The following PEBP4 variants were observed in gnomAD, a reference collection of about 807,000 sequenced individuals.
The protein encoded by PEBP4 is phosphatidylethanolamine binding protein 4.
A neutral mutation model predicts 23.9 loss-of-function variants in PEBP4; 22 were observed. The observed-to-expected ratio is 0.92, with a 90% CI of 0.66 to 1.31. PEBP4 has a LOEUF of 1.31. Ranked by LOEUF, PEBP4 falls within the 40% of genes most tolerant of loss-of-function variation. The pLI is 0.00. For synonymous variants in PEBP4, 112 were observed against 99.3 expected (o/e 1.13, Z -0.76); for missense variants, 324 against 281.7 (o/e 1.15, Z -1.07).
rs536656254 is a variant in PEBP4, at chr8:22,817,886, C to T, written c.259-151G>A. ...AGTTTATCCTTGCTCTCGTGACATC[C>T]CTCTCACATCACGTTTATTCTCAGA... On this transcript the variant is annotated intron_variant, in intron 3 of 6. Transcript: ENST00000256404. The T allele has an allele frequency of 1.4e-4, 92 of 670,470 alleles. No homozygotes were observed. In the African/African-American group the frequency reaches 1.5e-3, roughly 11 times the overall value. 41.5% of individuals were successfully genotyped at this position (670,470 alleles called of 1,614,324 possible).
At chr8:22,780,621 A>T (rs1181710909) in intron 4 of PEBP4, among the ~76,000 whole-genome samples, 1 of 152,146 alleles carries the variant, frequency 6.6e-6, no homozygotes, top group Admixed American at 6.5e-5. Flanking sequence ...AAAACCTGCG[A>T]TGGAAGTTAT....
intron 4 of PEBP4, among the ~76,000 whole-genome samples, chr8:22,763,479 C>T (rs1805552021): frequency 1.3e-5 from 2 of 152,178 alleles, no homozygotes; most frequent in Admixed American, 6.5e-5. Flanking sequence ...TGAATGCTGG[C>T]CCTAGAGCGT....
rs111369152 is a variant in PEBP4, at chr8:22,881,334, C to A, written c.258+38850G>T. 2.0e-3 allele frequency among the ~76,000 whole-genome samples: 312 copies of A among 152,320 alleles called. 1 individual carries two copies. The highest frequency in any genetic ancestry group is 7.2e-3 in the African/African-American group (301 of 41,564). Reference sequence around the variant, plus strand: ...TTCCTATCACCTACAAGGACTTGTGCCTTTCCAAGTGTCCAAGGCTGGCCA... The same window carrying A: ...TTCCTATCACCTACAAGGACTTGTGACTTTCCAAGTGTCCAAGGCTGGCCA... On this transcript the variant is annotated intron_variant, in intron 3 of 6. Transcript: ENST00000256404.
At chr8:22,927,977 C>G (rs1809388025), upstream of PEBP4, 3 of 445,026 alleles carry the variant, frequency 6.7e-6, no homozygotes, top group Non-Finnish European at 1.2e-5. Flanking sequence ...TGGCAGGACA[C>G]AGCTTTGTTG....
At chr8:22,827,318 C>T (rs201367597) in intron 3 of PEBP4, among the ~76,000 whole-genome samples, 5 of 152,100 alleles carry the variant, frequency 3.3e-5, no homozygotes, top group African/African-American at 7.2e-5. Flanking sequence ...AGTTGCGCAA[C>T]GATCACCATA....
chr8:22,928,549 T>C (rs1809402603), upstream of PEBP4, among the ~76,000 whole-genome samples: 1 of 152,156 alleles, frequency 6.6e-6, no homozygotes, highest in Admixed American at 6.5e-5. Context: ...GTCGCCTGCA[T>C]TCCCTTGGGG....
intron 6 of PEBP4, among the ~76,000 whole-genome samples, chr8:22,724,424 T>C (rs1203288297): frequency 6.6e-6 from 1 of 152,184 alleles, no homozygotes; most frequent in African/African-American, 2.4e-5. Context: ...TAGCAACCCA[T>C]GAGGATAGAC....
At chr8:22,796,076 CTCCA>C (rs1806252796) in intron 4 of PEBP4, among the ~76,000 whole-genome samples, 1 of 152,234 alleles carries the variant, frequency 6.6e-6, no homozygotes, top group Non-Finnish European at 1.5e-5. Context: ...GCACAGTGTC[CTCCA>C]ATATGGCGGA....
intron 3 of PEBP4, among the ~76,000 whole-genome samples, chr8:22,824,264 T>C (rs1241849923): frequency 2.0e-5 from 3 of 152,084 alleles, no homozygotes; most frequent in Non-Finnish European, 4.4e-5. Flanking sequence ...AGATTTGCAC[T>C]CAAGGAAAAA....
chr8:22,851,457 G>C (rs921638850), intron 3 of PEBP4, among the ~76,000 whole-genome samples: 1 of 152,156 alleles, frequency 6.6e-6, no homozygotes, highest in African/African-American at 2.4e-5. Context: ...GGAACTAGAT[G>C]ATGAGACCCA....
At chr8:22,916,270 AG>A (rs1809069776) in intron 3 of PEBP4, among the ~76,000 whole-genome samples, 1 of 152,200 alleles carries the variant, frequency 6.6e-6, no homozygotes, top group African/African-American at 2.4e-5. Context: ...GAAGCTTCTC[AG>A]GGGCCTTTCA....
At chr8:22,717,728 C>T (rs1399480181) in intron 6 of PEBP4, among the ~76,000 whole-genome samples, 1 of 152,188 alleles carries the variant, frequency 6.6e-6, no homozygotes, top group African/African-American at 2.4e-5. Flanking sequence ...AAGGTGATCA[C>T]CCTCTTCCCT....
rs77482249 is a variant in PEBP4, at chr8:22,905,996, C to T, written c.258+14188G>A. Among the ~76,000 whole-genome samples the T allele has an allele frequency of 3.8e-3, 572 of 152,296 alleles. 1 individual carries two copies. Among genetic ancestry groups the T allele is most frequent in the African/African-American group, 0.011 (476 of 41,552 alleles). On this transcript the variant is annotated intron_variant, in intron 3 of 6. Coordinates refer to ENST00000256404, the MANE Select transcript of PEBP4 (RefSeq NM_144962.3). ...CAATTCCAAACCTGAAATTACCCAT[C>T]ACTCTATTTGCAAGATGAAGAGTTT...
intron 4 of PEBP4, 102 bp downstream of exon 4, chr8:22,817,535 C>T: frequency 1.8e-6 from 2 of 1,115,660 alleles, no homozygotes; most frequent in Admixed American, 1.8e-5. Context: ...ACACAGAAGT[C>T]CTCGCTCCAA....
chr8:22,817,880 G>T (rs1009884565), intron 3 of PEBP4, 145 bp from the exon 4 acceptor site: 37 of 691,016 alleles, frequency 5.4e-5, no homozygotes, highest in South Asian at 2.6e-4. Flanking sequence ...TTGCTCTCGT[G>T]ACATCCCTCT....
At chr8:22,849,577 A>G (rs1193458358) in intron 3 of PEBP4, among the ~76,000 whole-genome samples, 3 of 152,206 alleles carry the variant, frequency 2.0e-5, no homozygotes, top group Non-Finnish European at 2.9e-5. Flanking sequence ...TTCCGTGCCC[A>G]CTGCCAAGTT....
At chr8:22,841,274 G>A (rs1807323193) in intron 3 of PEBP4, among the ~76,000 whole-genome samples, 4 of 152,282 alleles carry the variant, frequency 2.6e-5, no homozygotes, top group Admixed American at 2.6e-4. Context: ...CTTTGAGGGG[G>A]TGGAAGCAGG....
intron 4 of PEBP4, among the ~76,000 whole-genome samples, chr8:22,768,336 T>G (rs1223194726): frequency 6.6e-6 from 1 of 152,128 alleles, no homozygotes; most frequent in Non-Finnish European, 1.5e-5. Flanking sequence ...GGATGTCTTA[T>G]TTTTCCTGGC....
chr8:22,820,938 A>T (rs1806845092), intron 3 of PEBP4, among the ~76,000 whole-genome samples: 1 of 152,012 alleles, frequency 6.6e-6, no homozygotes, highest in Non-Finnish European at 1.5e-5. Flanking sequence ...TCACATCCGT[A>T]ATCCCAACAC....
Sources: allele counts gnomAD v4.1 joint callset (sites outside exome capture counted in the v4.1 genomes callset), GRCh38; gene constraint gnomAD v4.1.1; transcripts MANE v1.5; gene names NCBI Gene and HGNC (gene_info 2026-07-23, HGNC 2026-07-21).